ICA1: variants seen among roughly 807,000 people sequenced by gnomAD.
ICA1 encodes the protein 69 kDa islet cell autoantigen.
Under a neutral mutation model 71.0 loss-of-function variants are expected in ICA1, and 40 were observed. The ratio of observed to expected loss-of-function variants is 0.56; its 90% CI spans 0.44 to 0.73. The LOEUF (loss-of-function observed/expected upper bound fraction) is 0.73, where lower values mean the gene tolerates loss of function less well. Ranked by LOEUF, ICA1 falls within the 30% of genes least tolerant of loss-of-function variation. The probability of loss-of-function intolerance (pLI) is 0.00; values close to 1 mark genes in which losing one functional copy is unlikely to be tolerated. For missense variants in ICA1, 578 were observed against 576.5 expected (o/e 1.00, Z -0.03); for synonymous variants, 207 against 209.5 (o/e 0.99, Z 0.10).
chr7:8,127,769 G>C, intron 13 of ICA1, 104 bp downstream of exon 13: 1 of 1,265,192 alleles, frequency 7.9e-7, no homozygotes. Flanking sequence ...AATAAAAATA[G>C]AGAAAACATT....
At chr7:8,191,312 G>A (rs1562928752) in intron 6 of ICA1, among the ~76,000 whole-genome samples, 1 of 152,234 alleles carries the variant, frequency 6.6e-6, no homozygotes, top group East Asian at 1.9e-4. Flanking sequence ...TCCTGGATTT[G>A]CCATGGTTTG....
chr7:8,120,754 G>C (rs3807847), intron 13 of ICA1, among the ~76,000 whole-genome samples: 57,021 of 152,144 alleles, frequency 0.37, 12,767 homozygotes, highest in African/African-American at 0.63. Context: ...ACTGCCCCCC[G>C]TTACTTACAT....
At chr7:8,164,719 C>A (rs1241898795) in intron 6 of ICA1, among the ~76,000 whole-genome samples, 6 of 152,212 alleles carry the variant, frequency 3.9e-5, no homozygotes, top group East Asian at 1.9e-4. Flanking sequence ...TCAATTACTT[C>A]TTTTGGCCTT....
intron 1 of ICA1, among the ~76,000 whole-genome samples, chr7:8,242,102 A>T (rs989938705): frequency 2.0e-5 from 3 of 152,218 alleles, no homozygotes; most frequent in African/African-American, 7.2e-5. Flanking sequence ...CCCCAAATCA[A>T]CAGAATATAC....
intron 1 of ICA1, among the ~76,000 whole-genome samples, chr7:8,253,574 T>C (rs1310444226): frequency 6.6e-6 from 1 of 152,188 alleles, no homozygotes; most frequent in Non-Finnish European, 1.5e-5. Flanking sequence ...CCAGTTTTTT[T>C]CAACCAAAGG....
intron 6 of ICA1, among the ~76,000 whole-genome samples, chr7:8,184,389 C>T (rs142577174): frequency 1.3e-4 from 20 of 152,276 alleles, no homozygotes; most frequent in East Asian, 3.9e-4. Context: ...ATCAATAAGA[C>T]GCAATGTGCT....
Position 8,189,283 on chromosome 7 carries a change from A to G in ICA1, c.579+29022T>C, listed in dbSNP as rs565516181. Among the ~76,000 whole-genome samples the G allele has an allele frequency of 5.9e-5, 9 of 152,306 alleles. No homozygotes were observed. The South Asian group carries it at 8.3e-4, about 14-fold the overall frequency. The stretch of plus-strand genomic sequence containing the variant: ...TAAAATGAGGGTAGAGCTTTGATCA[A>G]TTGGGGTCATTATACTAGAAGGAGG... On this transcript the variant is annotated intron_variant, in intron 6 of 13. Coordinates refer to ENST00000402384, the MANE Select transcript of ICA1 (RefSeq NM_001136020.3).
At chr7:8,249,818 A>C (rs1207603502) in intron 1 of ICA1, among the ~76,000 whole-genome samples, 1 of 152,180 alleles carries the variant, frequency 6.6e-6, no homozygotes, top group East Asian at 1.9e-4. Flanking sequence ...TGTGTCTCCT[A>C]CTCAGTTTAT....
intron 1 of ICA1, among the ~76,000 whole-genome samples, chr7:8,245,698 A>T (rs1219751815): frequency 7.9e-5 from 12 of 152,242 alleles, no homozygotes; most frequent in Non-Finnish European, 1.6e-4. Context: ...TAACCAATAT[A>T]AAAATGAGTG....
chr7:8,166,874 T>A (rs1252496672), intron 6 of ICA1, among the ~76,000 whole-genome samples: 1 of 137,858 alleles, frequency 7.3e-6, no homozygotes, highest in Non-Finnish European at 1.6e-5. Context: ...AAGAAGCATA[T>A]GAAAAGAATG....
Position 8,164,455 on chromosome 7 carries a change from G to C in ICA1, c.580-5803C>G, listed in dbSNP as rs1018086296. Among the ~76,000 whole-genome samples the C allele has an allele frequency of 2.6e-4, 40 of 152,124 alleles. 1 individual carries two copies. The highest frequency in any genetic ancestry group is 2.5e-3 in the Admixed American group (38 of 15,270). On this transcript the variant is annotated intron_variant, in intron 6 of 13. Transcript: ENST00000402384. ...GCAAAGCAGGCCCTGGTGAGGGGTTGAGTGCTGGGGTGTGGAGGATGACTC... is the reference window on the plus strand; with the variant it reads ...GCAAAGCAGGCCCTGGTGAGGGGTTCAGTGCTGGGGTGTGGAGGATGACTC...
At position 8,158,569 on chromosome 7, in the gene ICA1, C is replaced by A. The variant is rs752291214; in HGVS notation, c.663G>T (p.Ala221=). 1.2e-6 allele frequency: 2 copies of A among 1,614,050 alleles called. No individual in the cohort carries two copies. The highest frequency in any genetic ancestry group is 2.2e-5 in the South Asian group (2 of 91,078). ...DVCQKVDLLG[A]SRCNLLSHML... is the part of the protein sequence containing the mutation. ...TGTGAGACAAGAGATTGCATCTGCT[C>A]GCTCCAAGAAGATCCACTTTTTGAC... The change falls in exon 7 of 14, where the codon GCG becomes GCT. Residue 221 remains alanine (A), a synonymous_variant. Transcript: ENST00000402384.
At chr7:8,245,158 T>C (rs1563182005) in intron 1 of ICA1, among the ~76,000 whole-genome samples, 1 of 152,036 alleles carries the variant, frequency 6.6e-6, no homozygotes, top group African/African-American at 2.4e-5. Context: ...TTGGAACCAA[T>C]ACAAATGTCC....
intron 6 of ICA1, among the ~76,000 whole-genome samples, chr7:8,164,220 C>G (rs907508221): frequency 6.8e-6 from 1 of 147,696 alleles, no homozygotes; most frequent in Non-Finnish European, 1.5e-5. Flanking sequence ...AGGAGAATCG[C>G]TAGAACTTGG....
Position 8,123,469 on chromosome 7 carries a change from T to G in ICA1, c.1330+4404A>C, listed in dbSNP as rs1039893700. Among the ~76,000 whole-genome samples, 11 of 152,098 alleles carry G rather than the reference T, an allele frequency of 7.2e-5. No homozygotes were observed. The highest frequency in any genetic ancestry group is 1.6e-4 in the Non-Finnish European group (11 of 68,000). Reference sequence around the variant, plus strand: ...GCTTGCACTTCAGTCCTGGTGCCTGTCCCCGAGGACTCGGTGCCCCAGTCT... The same window carrying G: ...GCTTGCACTTCAGTCCTGGTGCCTGGCCCCGAGGACTCGGTGCCCCAGTCT... On this transcript the variant is annotated intron_variant, in intron 13 of 13. Coordinates refer to ENST00000402384, the MANE Select transcript of ICA1 (RefSeq NM_001136020.3). This position sits in a 1 kb window ranked among gnomAD's most constrained non-coding sequence, Gnocchi z 4.1.
chr7:8,247,128 C>T (rs1806337081), intron 1 of ICA1, among the ~76,000 whole-genome samples: 1 of 151,020 alleles, frequency 6.6e-6, no homozygotes, highest in Non-Finnish European at 1.5e-5. Context: ...AGCAATCGTC[C>T]CACTTGTCAT....
At chr7:8,151,224 G>C (rs915165947) in intron 8 of ICA1, among the ~76,000 whole-genome samples, 1 of 152,236 alleles carries the variant, frequency 6.6e-6, no homozygotes, top group African/African-American at 2.4e-5. Flanking sequence ...TTTCCCCTCA[G>C]GGAGGAGTTA....
chr7:8,148,611 C>T (rs1216018974), intron 8 of ICA1, among the ~76,000 whole-genome samples: 2 of 151,994 alleles, frequency 1.3e-5, no homozygotes, highest in Non-Finnish European at 2.9e-5. Flanking sequence ...CACAGTTTCC[C>T]AAGAACAAAC....
At chr7:8,177,488 C>A (rs906931614) in intron 6 of ICA1, among the ~76,000 whole-genome samples, 1 of 152,194 alleles carries the variant, frequency 6.6e-6, no homozygotes, top group African/African-American at 2.4e-5. Flanking sequence ...CTGAGAAGCA[C>A]ATATTTCAGC....
Sources: allele counts gnomAD v4.1 joint callset (sites outside exome capture counted in the v4.1 genomes callset), GRCh38; gene constraint gnomAD v4.1.1; non-coding constraint Gnocchi (gnomAD v3.1); transcripts MANE v1.5; gene names NCBI Gene and HGNC (gene_info 2026-07-23, HGNC 2026-07-21).